The following RTF1 variants were observed in gnomAD, a reference collection of about 807,000 sequenced individuals.
The protein encoded by RTF1 is RTF1 homolog, Paf1/RNA polymerase II complex component.
RTF1 carries 10 observed loss-of-function variants against 95.7 expected under a neutral mutation model. The ratio of observed to expected loss-of-function variants is 0.10; its 90% CI spans 0.06 to 0.18. The LOEUF (loss-of-function observed/expected upper bound fraction) is 0.18, where lower values mean the gene tolerates loss of function less well. Ranked by LOEUF, RTF1 falls within the 10% of genes least tolerant of loss-of-function variation. The probability of loss-of-function intolerance (pLI) is 1.00; values close to 1 mark genes in which losing one functional copy is unlikely to be tolerated. For missense variants in RTF1, 458 were observed against 875.6 expected, an observed-to-expected ratio of 0.52 and a Z score of 6.02; for synonymous variants, 305 against 311.8, an observed-to-expected ratio of 0.98 and a Z score of 0.23.
At chr15:41,464,575 C>T (rs2140964091) in intron 4 of RTF1, among the ~76,000 whole-genome samples, 196 bp from the exon 5 acceptor site, 1 of 152,180 alleles carries the variant, frequency 6.6e-6, no homozygotes, top group Non-Finnish European at 1.5e-5. Context: ...CAACTTAATG[C>T]TATCAAATAT....
intron 4 of RTF1, among the ~76,000 whole-genome samples, chr15:41,461,924 T>C (rs937937209): frequency 5.3e-5 from 8 of 150,678 alleles, no homozygotes; most frequent in East Asian, 1.9e-4. Flanking sequence ...TTTTTTCTTT[T>C]TTTTTTTTTT....
intron 1 of RTF1, among the ~76,000 whole-genome samples, chr15:41,436,517 G>C (rs1235064232): frequency 6.7e-6 from 1 of 150,134 alleles, no homozygotes; most frequent in East Asian, 2.0e-4. Flanking sequence ...CCAGCCACTT[G>C]GGAGGTTGAG....
Position 41,475,382 on chromosome 15 carries a change from C to A in RTF1, c.1287-143C>A, listed in dbSNP as rs900777306. The A allele has an allele frequency of 1.2e-5, 8 of 658,068 alleles. No individual in the cohort carries two copies. The Admixed American group carries it at 2.0e-4, about 16-fold the overall frequency. The allele number at this position is 658,068 out of a possible 1,614,324, so 40.8% of individuals were successfully genotyped here. On this transcript the variant is annotated intron_variant, in intron 9 of 17. Transcript: ENST00000389629. Reference sequence around the variant, plus strand: ...CAATCTTGGCAGCTCATTAAAACAGCCTGGGATGATTTTATAGGGTAGCTA... The same window carrying A: ...CAATCTTGGCAGCTCATTAAAACAGACTGGGATGATTTTATAGGGTAGCTA...
At chr15:41,449,227 A>AT (rs34660598) in intron 2 of RTF1, among the ~76,000 whole-genome samples, 2,053 of 109,254 alleles carry the variant, frequency 0.019, 125 homozygotes, top group African/African-American at 0.058. Flanking sequence ...AGGCAGGTGA[A>AT]TTTTTTTTTT....
At chr15:41,455,800 T>C (rs962400820) in intron 3 of RTF1, among the ~76,000 whole-genome samples, 1 of 150,806 alleles carries the variant, frequency 6.6e-6, no homozygotes, top group Non-Finnish European at 1.5e-5. Flanking sequence ...AAGAATGATA[T>C]AATGGACATT....
chr15:41,421,228 G>A (rs2050598777), intron 1 of RTF1, among the ~76,000 whole-genome samples: 2 of 152,056 alleles, frequency 1.3e-5, no homozygotes, highest in Admixed American at 1.3e-4. Flanking sequence ...AGGCCGAGGT[G>A]GGCGGATCAC....
Position 41,481,783 on chromosome 15 carries a change from A to G in RTF1, c.*1096A>G, listed in dbSNP as rs1018672888. On this transcript the variant is annotated 3_prime_UTR_variant, in exon 18 of 18. Coordinates refer to ENST00000389629, the MANE Select transcript of RTF1 (RefSeq NM_015138.5). ...AATATGAATGTGGAGAGCAAACACA[A>G]AAAGATTTAGGTTACGCCGGGTGCA... is the stretch of plus-strand genomic sequence containing the variant. 2 of 152,586 alleles carry G rather than the reference A, an allele frequency of 1.3e-5. No homozygotes were observed. Among genetic ancestry groups the G allele is most frequent in the African/African-American group, 4.8e-5 (2 of 41,460 alleles). 9.5% of individuals were successfully genotyped at this position (152,586 alleles called of 1,614,324 possible).
In RTF1 at chr15:41,417,279, C is replaced by T; in HGVS notation, c.164C>T (p.Thr55Ile). 1 of 1,248,822 alleles carries T rather than the reference C, an allele frequency of 8.0e-7. No homozygotes were observed. Among genetic ancestry groups the T allele is most frequent in the East Asian group, 3.2e-5 (1 of 31,710 alleles). The allele number at this position is 1,248,822 out of a possible 1,614,324, so 77.4% of individuals were successfully genotyped here. A position where few individuals can be genotyped will look rare whatever the true frequency, so the allele number is the denominator to read the frequency against. Residue 55 changes from threonine (T) to isoleucine (I), a missense_variant, in exon 1 of 18, where the codon ACA becomes ATA. This residue lies in a region of RTF1 where 44 missense variants were observed against 99.5 expected (regional missense o/e 0.44). Coordinates refer to ENST00000389629, the MANE Select transcript of RTF1 (RefSeq NM_015138.5). ...RKGRVVIDSDTEDSGSDENLD... is the reference protein window; with the variant it reads ...RKGRVVIDSDIEDSGSDENLD... The stretch of plus-strand genomic sequence containing the variant: ...GGCCGCGTCGTGATCGACTCGGACA[C>T]AGAGGACAGCGGCAGCGACGAGAAC...
In RTF1 at chr15:41,448,395, G is replaced by A. The variant is rs189949948; in HGVS notation, c.310-4506G>A. Among the ~76,000 whole-genome samples the A allele has an allele frequency of 3.9e-5, 6 of 152,124 alleles. No homozygotes were observed. The East Asian group carries it at 7.7e-4, about 20-fold the overall frequency. ...AAAATGGGAAATGTTGGCCGGGAAC[G>A]GTGATTAACGCCTGTAATCTCAGCA... is the stretch of plus-strand genomic sequence containing the variant. On this transcript the variant is annotated intron_variant, in intron 2 of 17. Coordinates refer to ENST00000389629, the MANE Select transcript of RTF1 (RefSeq NM_015138.5).
At chr15:41,465,036 C>A in intron 5 of RTF1, 151 bp downstream of exon 5, 2 of 1,283,160 alleles carry the variant, frequency 1.6e-6, no homozygotes, top group Non-Finnish European at 1.0e-6. Context: ...AATCTCTGGA[C>A]ATATCACCAT....
intron 5 of RTF1, 61 bp from the exon 6 acceptor site, chr15:41,466,080 T>A: frequency 8.5e-7 from 1 of 1,171,824 alleles, no homozygotes; most frequent in Non-Finnish European, 1.2e-6. Flanking sequence ...ATTAAGTAGG[T>A]TTAGAGAATC....
In RTF1 at chr15:41,438,459, G is replaced by T. The variant is rs1273752986; in HGVS notation, c.309+28G>T. The T allele has an allele frequency of 2.0e-6, 3 of 1,470,214 alleles. No homozygotes were observed. The Admixed American group carries it at 6.0e-5, about 30-fold the overall frequency. The allele number at this position is 1,470,214 out of a possible 1,614,324, so 91.1% of individuals were successfully genotyped here. A position where few individuals can be genotyped will look rare whatever the true frequency, so the allele number is the denominator to read the frequency against. On this transcript the variant is annotated intron_variant, in intron 2 of 17. Coordinates refer to ENST00000389629, the MANE Select transcript of RTF1 (RefSeq NM_015138.5). ...GGGTGTGGAGGGCCTCGGCTTCTGG[G>T]ACCATTAGATAGTTGAGGCTCCTCG...
chr15:41,463,700 T>TC (rs1443074205), intron 4 of RTF1, among the ~76,000 whole-genome samples: 5 of 152,138 alleles, frequency 3.3e-5, no homozygotes, highest in Non-Finnish European at 7.3e-5. Context: ...CAGGCTAGTC[T>TC]CCAACTCCTG....
At chr15:41,450,231 A>G (rs1453776741) in intron 2 of RTF1, among the ~76,000 whole-genome samples, 1 of 152,158 alleles carries the variant, frequency 6.6e-6, no homozygotes, top group East Asian at 1.9e-4. Flanking sequence ...AACACAAAGT[A>G]AATATACAAG....
At chr15:41,457,097 A>G (rs1473589188) in intron 3 of RTF1, among the ~76,000 whole-genome samples, 1 of 151,414 alleles carries the variant, frequency 6.6e-6, no homozygotes, top group Non-Finnish European at 1.5e-5. Flanking sequence ...AATAATAATA[A>G]TAAATAAGAT....
intron 1 of RTF1, among the ~76,000 whole-genome samples, chr15:41,422,944 T>G (rs1273201951): frequency 1.3e-5 from 2 of 152,086 alleles, no homozygotes; most frequent in Non-Finnish European, 2.9e-5. Flanking sequence ...CAGCTAATTT[T>G]TGTATTTTTA....
At chr15:41,427,238 G>A (rs1215078714) in intron 1 of RTF1, among the ~76,000 whole-genome samples, 1 of 141,032 alleles carries the variant, frequency 7.1e-6, no homozygotes, top group Non-Finnish European at 1.5e-5. Flanking sequence ...TGCAAGCTCC[G>A]CCTCCCGGGT....
intron 3 of RTF1, among the ~76,000 whole-genome samples, chr15:41,453,997 T>C (rs1472639202): frequency 1.3e-5 from 2 of 152,190 alleles, no homozygotes; most frequent in Non-Finnish European, 2.9e-5. Context: ...ACTCACATAC[T>C]TTTTCCATGC....
chr15:41,423,852 A>G (rs1386307140), intron 1 of RTF1, among the ~76,000 whole-genome samples: 1 of 152,018 alleles, frequency 6.6e-6, no homozygotes, highest in East Asian at 1.9e-4. Flanking sequence ...TCCCGGGTTC[A>G]AGCAATTATC....
Sources: allele counts gnomAD v4.1 joint callset (sites outside exome capture counted in the v4.1 genomes callset), GRCh38; gene constraint gnomAD v4.1.1; regional missense constraint gnomAD v4.1.1; transcripts MANE v1.5; gene names NCBI Gene and HGNC (gene_info 2026-07-23, HGNC 2026-07-21).